Variants in GABRB1 observed in about 807,000 individuals in gnomAD.
GABRB1 encodes gamma-aminobutyric acid type A receptor subunit beta1.
A neutral mutation model predicts 51.6 loss-of-function variants in GABRB1; 17 were observed. That is an observed-to-expected ratio of 0.33 (90% CI 0.23 to 0.49). The LOEUF is 0.49. Among genes scored for constraint, GABRB1 ranks in the 20% least tolerant of loss-of-function variants. GABRB1 has a pLI of 0.99. For missense variants in GABRB1, 410 were observed against 600.6 expected, an observed-to-expected ratio of 0.68 and a Z score of 3.32; for synonymous variants, 247 against 218.9, an observed-to-expected ratio of 1.13 and a Z score of -1.14.
intron 3 of GABRB1, among the ~76,000 whole-genome samples, chr4:47,150,182 A>AACACAC (rs36209473): frequency 7.1e-6 from 1 of 141,616 alleles, no homozygotes; most frequent in Admixed American, 7.0e-5. Flanking sequence ...ACACACACAC[A>AACACAC]ACACACACAC....
At chr4:47,252,170 C>G (rs1722017434) in intron 4 of GABRB1, among the ~76,000 whole-genome samples, 1 of 147,100 alleles carries the variant, frequency 6.8e-6, no homozygotes, top group African/African-American at 2.5e-5. Flanking sequence ...TGCCTGGAGA[C>G]CCAGTGAGCT....
At chr4:47,283,428 G>A (rs1053829768) in intron 4 of GABRB1, among the ~76,000 whole-genome samples, 1 of 111,498 alleles carries the variant, frequency 9.0e-6, no homozygotes, top group Admixed American at 1.3e-4. Context: ...GTCTGTCACC[G>A]AAGCTGGAAT....
At chr4:47,285,687 C>T (rs947591920) in intron 4 of GABRB1, among the ~76,000 whole-genome samples, 4 of 152,124 alleles carry the variant, frequency 2.6e-5, no homozygotes, top group African/African-American at 9.7e-5. Flanking sequence ...GTGACATTGG[C>T]CAGTTTGATA....
At chr4:47,097,801 G>T (rs1714522058) in intron 3 of GABRB1, among the ~76,000 whole-genome samples, 1 of 152,108 alleles carries the variant, frequency 6.6e-6, no homozygotes, top group Non-Finnish European at 1.5e-5. Context: ...CTAGGTATAA[G>T]TCACTTAAAA....
At chr4:47,318,882 G>A (rs148753831) in intron 4 of GABRB1, among the ~76,000 whole-genome samples, 2 of 151,908 alleles carry the variant, frequency 1.3e-5, no homozygotes, top group Admixed American at 1.3e-4. Flanking sequence ...CAAATTAAAT[G>A]GTTTCTTTTT....
chr4:47,355,935 C>T (rs926189038), intron 5 of GABRB1, among the ~76,000 whole-genome samples: 8 of 152,142 alleles, frequency 5.3e-5, no homozygotes, highest in Admixed American at 1.3e-4. Flanking sequence ...TCTGTGTTTG[C>T]TCTATAAAAT....
intron 5 of GABRB1, among the ~76,000 whole-genome samples, chr4:47,328,784 G>A (rs1578098050): frequency 1.3e-5 from 2 of 151,962 alleles, no homozygotes; most frequent in Admixed American, 6.6e-5. Context: ...GGGGGAGCGG[G>A]GAGGGATAGC....
In GABRB1 at chr4:47,426,178, C is replaced by A; in HGVS notation, c.*160C>A. On this transcript the variant is annotated 3_prime_UTR_variant, in exon 9 of 9. Coordinates refer to ENST00000295454, the MANE Select transcript of GABRB1 (RefSeq NM_000812.4). ...CAGTTTTATTACTGCACCATGTTTACTTCAAAAAGACAAAACAAAAAAAAA... is the reference window on the plus strand; with the variant it reads ...CAGTTTTATTACTGCACCATGTTTAATTCAAAAAGACAAAACAAAAAAAAA... 1 of 527,320 alleles carries A rather than the reference C, an allele frequency of 1.9e-6. No homozygotes were observed. The highest frequency in any genetic ancestry group is 3.9e-5 in the South Asian group (1 of 25,666). 32.7% of individuals were successfully genotyped at this position (527,320 alleles called of 1,614,324 possible). A position where few individuals can be genotyped will look rare whatever the true frequency, so the allele number is the denominator to read the frequency against.
intron 3 of GABRB1, among the ~76,000 whole-genome samples, chr4:47,043,861 G>A (rs902559147): frequency 2.6e-5 from 4 of 152,014 alleles, no homozygotes; most frequent in Non-Finnish European, 5.9e-5. Context: ...CTTGAGAGAG[G>A]AAAACATAAT....
intron 3 of GABRB1, among the ~76,000 whole-genome samples, chr4:47,077,522 T>C (rs1045130939): frequency 6.6e-5 from 10 of 152,086 alleles, no homozygotes; most frequent in Middle Eastern, 6.3e-3. Context: ...ATATTTTGAG[T>C]AGAATGTACA....
intron 1 of GABRB1, among the ~76,000 whole-genome samples, chr4:47,004,896 T>C (rs947163810): frequency 3.3e-5 from 5 of 152,226 alleles, no homozygotes; most frequent in African/African-American, 1.2e-4. Context: ...TTCAATAGTT[T>C]TGTGTTTCCT....
At position 47,032,445 on chromosome 4, in the gene GABRB1, C is replaced by G; in HGVS notation, c.201C>G (p.Ile67Met). Residue 67 changes from isoleucine to methionine, a missense_variant, in exon 3 of 9, where the codon ATC becomes ATG. This residue lies in a region of GABRB1 where 100 missense variants were observed against 184.3 expected (regional missense o/e 0.54). Transcript: ENST00000295454. ...CCCCCGTCGACGTTGGGATGCGGATCGATGTCGCCAGCATAGACATGGTCT... is the reference window on the plus strand; with the variant it reads ...CCCCCGTCGACGTTGGGATGCGGATGGATGTCGCCAGCATAGACATGGTCT... Reference protein sequence around the residue: ...GGPPVDVGMRIDVASIDMVSE... With the variant: ...GGPPVDVGMRMDVASIDMVSE... 3 of 1,601,020 alleles carry G rather than the reference C, an allele frequency of 1.9e-6. No homozygotes were observed. The highest frequency in any genetic ancestry group is 2.2e-5 in the South Asian group (2 of 89,698).
chr4:47,052,655 C>A (rs563027707), intron 3 of GABRB1, among the ~76,000 whole-genome samples: 2 of 152,258 alleles, frequency 1.3e-5, no homozygotes, highest in Admixed American at 1.3e-4. Flanking sequence ...CTCAGAGGCA[C>A]AAACCCTGTT....
intron 4 of GABRB1, among the ~76,000 whole-genome samples, chr4:47,255,605 G>T (rs571014205): frequency 6.6e-6 from 1 of 152,328 alleles, no homozygotes; most frequent in South Asian, 2.1e-4. Context: ...GAATTGACAT[G>T]CCAGAAGGGT....
chr4:47,319,953 T>A (rs1725016752), intron 4 of GABRB1, among the ~76,000 whole-genome samples, 174 bp from the exon 5 acceptor site: 1 of 152,232 alleles, frequency 6.6e-6, no homozygotes, highest in Non-Finnish European at 1.5e-5. Context: ...CACCTGTCCA[T>A]CTAGATTATC....
chr4:47,163,588 C>T lies in GABRB1; in HGVS notation c.461+2119C>T, dbSNP rs140095214. The stretch of plus-strand genomic sequence containing the variant: ...GTGTTGAAAAACTACCTATTGAGTG[C>T]TATATTCATGATTTGGGTGATGGGT... On this transcript the variant is annotated intron_variant, in intron 4 of 8. Transcript: ENST00000295454. Among the ~76,000 whole-genome samples the T allele has an allele frequency of 4.0e-4, 61 of 152,072 alleles. 1 individual carries two copies. The highest frequency in any genetic ancestry group is 1.4e-3 in the African/African-American group (60 of 41,524).
At chr4:47,143,161 G>A (rs896330029) in intron 3 of GABRB1, among the ~76,000 whole-genome samples, 1 of 151,826 alleles carries the variant, frequency 6.6e-6, no homozygotes, top group African/African-American at 2.4e-5. Context: ...TACGGAATAA[G>A]AACAGGAAGC....
At chr4:47,419,360 C>G (rs968999785) in intron 8 of GABRB1, among the ~76,000 whole-genome samples, 2 of 152,148 alleles carry the variant, frequency 1.3e-5, no homozygotes, top group East Asian at 3.9e-4. Flanking sequence ...TGTCTGTGAT[C>G]AGCAGGCCTT....
intron 4 of GABRB1, among the ~76,000 whole-genome samples, chr4:47,309,242 T>C (rs1254910600): frequency 6.8e-6 from 1 of 147,640 alleles, no homozygotes; most frequent in Middle Eastern, 3.4e-3. Flanking sequence ...TATTGTTCTA[T>C]TCCCTATTAA....
Sources: allele counts gnomAD v4.1 joint callset (sites outside exome capture counted in the v4.1 genomes callset), GRCh38; gene constraint gnomAD v4.1.1; regional missense constraint gnomAD v4.1.1; transcripts MANE v1.5; gene names NCBI Gene and HGNC (gene_info 2026-07-23, HGNC 2026-07-21).